The following USP24 variants were observed in gnomAD, a reference collection of about 807,000 sequenced individuals.
The protein encoded by USP24 is ubiquitin carboxyl-terminal hydrolase 24.
USP24 carries 97 observed loss-of-function variants against 361.6 expected under a neutral mutation model. The ratio of observed to expected loss-of-function variants is 0.27; its 90% CI spans 0.23 to 0.32. The LOEUF is 0.32. USP24 is among the 10% of genes least tolerant of loss of function. The pLI, the probability that USP24 is intolerant of heterozygous loss-of-function variation, is 1.00. For missense variants in USP24, 2,353 were observed against 3,165.6 expected, an observed-to-expected ratio of 0.74 and a Z score of 6.16; for synonymous variants, 1,098 against 1,124.6, an observed-to-expected ratio of 0.98 and a Z score of 0.47.
intron 16 of USP24, among the ~76,000 whole-genome samples, chr1:55,152,303 C>G (rs1400306559): frequency 2.6e-5 from 4 of 152,098 alleles, no homozygotes; most frequent in Admixed American, 2.6e-4. Flanking sequence ...TATAAAACAA[C>G]AGACATAAAT....
At chr1:55,191,079 G>A (rs1323664341) in intron 1 of USP24, among the ~76,000 whole-genome samples, 4 of 152,176 alleles carry the variant, frequency 2.6e-5, no homozygotes, top group Admixed American at 6.5e-5. Context: ...GCTCTGGCAC[G>A]AAGGTAGAAG....
intron 17 of USP24, among the ~76,000 whole-genome samples, chr1:55,148,073 A>G (rs1285035708): frequency 6.6e-6 from 1 of 152,106 alleles, no homozygotes; most frequent in African/African-American, 2.4e-5. Flanking sequence ...CTTCCTGTAT[A>G]CTTTTCTGGA....
intron 1 of USP24, among the ~76,000 whole-genome samples, chr1:55,213,936 C>G (rs1472563733): frequency 3.9e-5 from 6 of 152,036 alleles, no homozygotes; most frequent in African/African-American, 1.4e-4. Context: ...CTCAGTATGA[C>G]TACCATCTCT....
At chr1:55,084,712 C>T (rs1265459392) in intron 56 of USP24, among the ~76,000 whole-genome samples, 1 of 152,140 alleles carries the variant, frequency 6.6e-6, no homozygotes, top group African/African-American at 2.4e-5. Flanking sequence ...CAAGAGGCAC[C>T]ATTTCCATTT....
Position 55,095,286 on chromosome 1 carries a change from C to T in USP24, c.6172G>A (p.Val2058Ile), listed in dbSNP as rs375955336. Residue 2058 changes from valine to isoleucine, a missense_variant, in exon 51 of 68, where the codon GTT (valine) becomes ATT (isoleucine). By Grantham distance (29) the Val-to-Ile change is conservative. Coordinates refer to ENST00000294383, the MANE Select transcript of USP24 (RefSeq NM_015306.3). The part of the protein sequence containing the change: ...PVLPKKSRVS[V>I]VRQEAEDLSL... ...AGATCCTCAGCTTCCTGCCGTACAACGCTGACTCGACTTTTCTTTGGTAAT... is the reference window on the plus strand; with the variant it reads ...AGATCCTCAGCTTCCTGCCGTACAATGCTGACTCGACTTTTCTTTGGTAAT... The T allele has an allele frequency of 1.7e-4, 279 of 1,613,658 alleles. No homozygotes were observed. The highest frequency in any genetic ancestry group is 2.1e-4 in the Non-Finnish European group (250 of 1,179,754).
intron 1 of USP24, among the ~76,000 whole-genome samples, chr1:55,207,438 T>C (rs987654298): frequency 2.6e-5 from 4 of 152,196 alleles, no homozygotes; most frequent in East Asian, 1.9e-4. Context: ...AACCTACTGA[T>C]ACAGGAGTTA....
chr1:55,186,680 T>C (rs993298212), intron 1 of USP24, among the ~76,000 whole-genome samples: 2 of 152,176 alleles, frequency 1.3e-5, no homozygotes, highest in African/African-American at 4.8e-5. Context: ...ACAAATATTA[T>C]ATGATTCCAC....
At chr1:55,107,469 G>T in intron 39 of USP24, 39 bp from the exon 40 acceptor site, 2 of 1,509,548 alleles carry the variant, frequency 1.3e-6, no homozygotes, top group Non-Finnish European at 1.8e-6. Context: ...AAGAAAGAAG[G>T]ATTTCCCTTT....
rs1277767041 is a variant in USP24 at position 55,089,786 on chromosome 1, C to G, written c.6555-46G>C. The G allele has an allele frequency of 4.5e-6, 6 of 1,348,038 alleles. 1 individual carries two copies. The Admixed American group carries it at 1.2e-4, about 28-fold the overall frequency. 83.5% of individuals were successfully genotyped at this position (1,348,038 alleles called of 1,614,324 possible). ...AGCAATGTTAGGAGCATAAGCCCAG[C>G]CAATGACCTCATGCAGTGCACTCTT... On this transcript the variant is annotated intron_variant, in intron 54 of 67. Transcript: ENST00000294383.
Position 55,104,040 on chromosome 1 carries a change from G to C in USP24, c.4881-20C>G. 6.3e-7 allele frequency: 1 copy of C among 1,584,578 alleles called. No homozygotes were observed. The highest frequency in any genetic ancestry group is 1.2e-5 in the South Asian group (1 of 86,514). On this transcript the variant is annotated intron_variant, in intron 41 of 67. Transcript: ENST00000294383. The stretch of plus-strand genomic sequence containing the variant: ...CTACACCTAGAAACAAAAGACACAA[G>C]TCAATTTCAACAATGAATAATCTAC...
At chr1:55,214,398 T>C (rs556244702) in intron 1 of USP24, among the ~76,000 whole-genome samples, 51 of 150,894 alleles carry the variant, frequency 3.4e-4, no homozygotes, top group African/African-American at 1.0e-3. Flanking sequence ...AGTACCCCAT[T>C]TCCGACCCCC....
rs1329429004 is a variant in USP24 at position 55,120,775 on chromosome 1, C to T, written c.4348-19G>A. Reference sequence around the variant, plus strand: ...GGCGAATCTGAAATTACATGATCAGCAGCAAAGGACAGACATGAATCAACA... The same window carrying T: ...GGCGAATCTGAAATTACATGATCAGTAGCAAAGGACAGACATGAATCAACA... On this transcript the variant is annotated intron_variant, in intron 37 of 67. Transcript: ENST00000294383. 3.2e-6 allele frequency: 5 copies of T among 1,546,052 alleles called. No homozygotes were observed. Among genetic ancestry groups the T allele is most frequent in the Non-Finnish European group, 4.4e-6 (5 of 1,144,328 alleles).
intron 62 of USP24, 96 bp from the exon 63 acceptor site, chr1:55,075,619 G>C (rs1645009436): frequency 1.3e-6 from 1 of 752,748 alleles, no homozygotes; most frequent in African/African-American, 1.9e-5. Flanking sequence ...GATTAATTTA[G>C]TGTTTGACAA....
At position 55,178,085 on chromosome 1, in the gene USP24, A is replaced by G. The variant is rs1324232864; in HGVS notation, c.372T>C (p.Pro124=). ...GNCSGEGIEF[P]TTNLYELESR... ...TTTCCAGTTCATATAAATTTGTTGT[A>G]GGGAATTCAATTCCTTCCCCTGAGC... Residue 124 remains proline, a synonymous_variant, in exon 2 of 68, where the codon CCT becomes CCC. Transcript: ENST00000294383. 1.3e-6 allele frequency: 2 copies of G among 1,551,452 alleles called. No individual in the cohort carries two copies. The highest frequency in any genetic ancestry group is 2.7e-5 in the African/African-American group (2 of 73,050).
At chr1:55,089,080 G>T (rs889959883) in intron 55 of USP24, among the ~76,000 whole-genome samples, 3 of 151,968 alleles carry the variant, frequency 2.0e-5, no homozygotes, top group African/African-American at 4.8e-5. Flanking sequence ...CTAATTTTTT[G>T]TATTTTTAGT....
intron 39 of USP24, among the ~76,000 whole-genome samples, chr1:55,108,185 T>C (rs535779303): frequency 6.6e-6 from 1 of 152,216 alleles, no homozygotes; most frequent in East Asian, 1.9e-4. Flanking sequence ...GAGAATGAGG[T>C]CAGAAGTACA....
rs1316697996 is a variant in USP24 at position 55,075,659 on chromosome 1, ACAACAACACCAC to A, written c.7381-148_7381-137del. ...AACAACAACAACAACAACAACAACA[ACAACAACACCAC>A]CACCACCAATACAGGACGGGCATGG... On this transcript the variant is annotated intron_variant, in intron 62 of 67. Transcript: ENST00000294383. 4.2e-4 allele frequency: 213 copies of A among 503,906 alleles called. 2 individuals carry two copies. In the African/African-American group the frequency reaches 5.6e-3, roughly 13 times the overall value. The allele number at this position is 503,906 out of a possible 1,614,324, so 31.2% of individuals were successfully genotyped here.
chr1:55,166,634 G>A (rs755865868), intron 5 of USP24, 31 bp from the exon 6 acceptor site: 2 of 1,566,582 alleles, frequency 1.3e-6, no homozygotes, highest in Admixed American at 1.9e-5. Context: ...AATTGAGATG[G>A]CAATATAAAA....
intron 64 of USP24, chr1:55,073,076 C>T: frequency 3.6e-6 from 2 of 555,104 alleles, no homozygotes; most frequent in South Asian, 4.9e-5. Context: ...GGGAGTCAGT[C>T]TTCAATAGGT....
Sources: gnomAD v4.1 joint callset for allele counts (sites outside exome capture counted in the v4.1 genomes callset) on GRCh38, gnomAD v4.1.1 for gene constraint, MANE v1.5 for transcripts, NCBI Gene and HGNC (gene_info 2026-07-23, HGNC 2026-07-21) for gene names.